The following ITGBL1 variants were observed in gnomAD, a reference collection of about 807,000 sequenced individuals.
ITGBL1 encodes the protein integrin beta-like protein 1.
A neutral mutation model predicts 68.5 loss-of-function variants in ITGBL1; 51 were observed. The observed-to-expected ratio is 0.74, with a 90% CI of 0.59 to 0.94. ITGBL1 has a LOEUF of 0.94. ITGBL1 is among the 40% of genes least tolerant of loss of function. ITGBL1 has a pLI of 0.00. For synonymous variants in ITGBL1, 209 were observed against 227.3 expected (o/e 0.92, Z 0.72); for missense variants, 649 against 647.4 (o/e 1.00, Z -0.03).
rs1242770111 is a variant in ITGBL1 at position 101,454,117 on chromosome 13, G to A, written c.316+17G>A. ...CCTGTGCAGGTAAGAGGGCGGCGCT[G>A]TCTCCTCCCTCGGGAGGTCGAAACT... On this transcript the variant is annotated intron_variant, in intron 2 of 10. Coordinates refer to ENST00000376180, the MANE Select transcript of ITGBL1 (RefSeq NM_004791.3). 1.3e-6 allele frequency: 2 copies of A among 1,511,600 alleles called. No homozygotes were observed. The highest frequency in any genetic ancestry group is 5.2e-5 in the East Asian group (2 of 38,760). The allele number at this position is 1,511,600 out of a possible 1,614,324, so 93.6% of individuals were successfully genotyped here.
chr13:101,519,975 G>A (rs1012375861), intron 2 of ITGBL1, among the ~76,000 whole-genome samples: 1 of 152,158 alleles, frequency 6.6e-6, no homozygotes, highest in African/African-American at 2.4e-5. Context: ...TGTGTATATA[G>A]TGATTTATTA....
At chr13:101,548,670 TTAAC>T (rs1479423737) in intron 2 of ITGBL1, among the ~76,000 whole-genome samples, 17 of 151,728 alleles carry the variant, frequency 1.1e-4, no homozygotes, top group African/African-American at 4.1e-4. Context: ...TCTTCACTAT[TTAAC>T]TATCATTAAC....
At chr13:101,641,005 C>A (rs1033929115) in intron 7 of ITGBL1, among the ~76,000 whole-genome samples, 5 of 151,662 alleles carry the variant, frequency 3.3e-5, no homozygotes, top group African/African-American at 1.2e-4. Context: ...GCACTTATGA[C>A]TAAAGGTTTT....
At chr13:101,547,952 C>T (rs1009526857) in intron 2 of ITGBL1, among the ~76,000 whole-genome samples, 5 of 151,354 alleles carry the variant, frequency 3.3e-5, no homozygotes, top group South Asian at 4.2e-4. Context: ...TGTATATACA[C>T]ATACACACAC....
intron 2 of ITGBL1, among the ~76,000 whole-genome samples, chr13:101,488,997 G>A (rs562334124): frequency 3.3e-5 from 5 of 152,182 alleles, no homozygotes; most frequent in Non-Finnish European, 5.9e-5. Context: ...CACTAAAGAA[G>A]CTAGGAGGTG....
At chr13:101,577,070 C>T (rs750831890) in intron 4 of ITGBL1, among the ~76,000 whole-genome samples, 5 of 152,126 alleles carry the variant, frequency 3.3e-5, no homozygotes, top group Non-Finnish European at 7.4e-5. Flanking sequence ...TGAAACAACA[C>T]AACAGAAAAT....
intron 7 of ITGBL1, among the ~76,000 whole-genome samples, chr13:101,691,668 G>A (rs2033884866): frequency 2.6e-5 from 4 of 152,158 alleles, no homozygotes; most frequent in Admixed American, 2.0e-4. Flanking sequence ...TAGCCTTCCG[G>A]TGCTGCATTA....
At chr13:101,670,989 C>T (rs560718729) in intron 7 of ITGBL1, among the ~76,000 whole-genome samples, 1 of 152,202 alleles carries the variant, frequency 6.6e-6, no homozygotes, top group South Asian at 2.1e-4. Context: ...CGAATTTCTT[C>T]ATCAATTTTG....
At chr13:101,671,447 G>GTTTTTTTTTT (rs1313845131) in intron 7 of ITGBL1, among the ~76,000 whole-genome samples, 2 of 103,628 alleles carry the variant, frequency 1.9e-5, no homozygotes, top group African/African-American at 8.3e-5. Context: ...GTTTTTTTTT[G>GTTTTTTTTTT]TTTTTTTTTG....
intron 6 of ITGBL1, among the ~76,000 whole-genome samples, chr13:101,597,350 T>C (rs959663685): frequency 6.6e-6 from 1 of 151,600 alleles, no homozygotes; most frequent in Admixed American, 6.6e-5. Flanking sequence ...TCCATACTGA[T>C]TTTAATTTCA....
intron 2 of ITGBL1, among the ~76,000 whole-genome samples, chr13:101,537,984 C>T (rs1311712846): frequency 6.6e-6 from 1 of 152,024 alleles, no homozygotes; most frequent in East Asian, 1.9e-4. Context: ...TTTAAAGTCT[C>T]ACACTAATTA....
intron 2 of ITGBL1, among the ~76,000 whole-genome samples, chr13:101,485,742 A>G (rs2048693365): frequency 6.6e-6 from 1 of 152,178 alleles, no homozygotes; most frequent in African/African-American, 2.4e-5. Context: ...CAGTGAGCCA[A>G]GATCACGCCA....
intron 7 of ITGBL1, among the ~76,000 whole-genome samples, chr13:101,624,196 C>T (rs1286875031): frequency 6.6e-6 from 1 of 152,154 alleles, no homozygotes; most frequent in Admixed American, 6.6e-5. Flanking sequence ...TTTTATTTAG[C>T]ATGGATCTGT....
chr13:101,581,671 A>G (rs1404541320), intron 5 of ITGBL1, among the ~76,000 whole-genome samples: 3 of 152,178 alleles, frequency 2.0e-5, no homozygotes, highest in African/African-American at 4.8e-5. Context: ...TTACTGCGCT[A>G]ATTCCCCATT....
intron 2 of ITGBL1, among the ~76,000 whole-genome samples, chr13:101,457,586 C>T (rs1157919505): frequency 6.6e-6 from 1 of 152,104 alleles, no homozygotes; most frequent in Non-Finnish European, 1.5e-5. Context: ...GTGAGTGTTC[C>T]TATGGATGTG....
chr13:101,659,763 G>T (rs989748134), intron 7 of ITGBL1, among the ~76,000 whole-genome samples: 2 of 152,056 alleles, frequency 1.3e-5, no homozygotes, highest in Non-Finnish European at 2.9e-5. Context: ...ACAGGTCCTG[G>T]TGAGGTAATT....
At chr13:101,665,717 A>G (rs2033197535) in intron 7 of ITGBL1, among the ~76,000 whole-genome samples, 1 of 152,178 alleles carries the variant, frequency 6.6e-6, no homozygotes, top group South Asian at 2.1e-4. Context: ...TGTGAAAGCT[A>G]TCAGAATCAA....
intron 2 of ITGBL1, among the ~76,000 whole-genome samples, chr13:101,536,432 C>T (rs973093286): frequency 1.3e-5 from 2 of 152,056 alleles, no homozygotes; most frequent in African/African-American, 4.8e-5. Flanking sequence ...ACCATGAGGG[C>T]ACGCATTTTC....
chr13:101,473,249 T>G (rs2048487722), intron 2 of ITGBL1, among the ~76,000 whole-genome samples: 3 of 152,004 alleles, frequency 2.0e-5, no homozygotes, highest in African/African-American at 7.3e-5. Context: ...AAAGAGGCAA[T>G]GAAGAGGTAG....
Sources: gnomAD v4.1 joint callset for allele counts (sites outside exome capture counted in the v4.1 genomes callset) on GRCh38, gnomAD v4.1.1 for gene constraint, MANE v1.5 for transcripts, NCBI Gene and HGNC (gene_info 2026-07-23, HGNC 2026-07-21) for gene names.